Variants in SLCO5A1 observed in about 807,000 individuals in gnomAD.
SLCO5A1 encodes the protein organic anion transporter polypeptide-related protein 4.
Under a neutral mutation model 65.1 loss-of-function variants are expected in SLCO5A1, and 39 were observed. The observed-to-expected ratio is 0.60, with a 90% CI of 0.46 to 0.78. The LOEUF (loss-of-function observed/expected upper bound fraction) is 0.78, where lower values mean the gene tolerates loss of function less well. Ranked by LOEUF, SLCO5A1 falls within the 30% of genes least tolerant of loss-of-function variation. The pLI, the probability that SLCO5A1 is intolerant of heterozygous loss-of-function variation, is 0.00. For synonymous variants in SLCO5A1, 438 were observed against 415.7 expected (o/e 1.05, Z -0.65); for missense variants, 1,029 against 1,069.4 (o/e 0.96, Z 0.53).
rs1305972675 is a variant in SLCO5A1 at position 69,671,205 on chromosome 8, T to A, written c.*1664A>T. On this transcript the variant is annotated 3_prime_UTR_variant, in exon 10 of 10. Transcript: ENST00000260126. ...AACCAAGAGAACTGTTTGACCAATG[T>A]CATTCCTAGGAAGAGAGGGAAACAG... The A allele has an allele frequency of 6.6e-6, 1 of 152,192 alleles. No individual in the cohort carries two copies. Among genetic ancestry groups the A allele is most frequent in the African/African-American group, 2.4e-5 (1 of 41,426 alleles). The allele number at this position is 152,192 out of a possible 1,614,324, so 9.4% of individuals were successfully genotyped here.
intron 5 of SLCO5A1, among the ~76,000 whole-genome samples, chr8:69,715,665 G>T (rs993031552): frequency 6.6e-6 from 1 of 152,150 alleles, no homozygotes; most frequent in Admixed American, 6.5e-5. Flanking sequence ...ACCTATTAGA[G>T]TGCCCTTGCC....
chr8:69,689,023 T>G (rs1427029826), intron 6 of SLCO5A1, among the ~76,000 whole-genome samples: 98 of 141,514 alleles, frequency 6.9e-4, no homozygotes, highest in South Asian at 2.9e-3. Flanking sequence ...TTTTAATGAT[T>G]GCCATTCTAA....
rs189515609 is a variant in SLCO5A1 at position 69,731,390 on chromosome 8, A to G, written c.1423+6650T>C. On this transcript the variant is annotated intron_variant, in intron 5 of 9. Transcript: ENST00000260126. ...TCATCTTTACTTTAATGCTGATGCC[A>G]TGTAGTATCCTTTCCTGCAAGAAAT... Among the ~76,000 whole-genome samples, 74 of 152,338 alleles carry G rather than the reference A, an allele frequency of 4.9e-4. No homozygotes were observed. The East Asian group carries it at 0.014, about 29-fold the overall frequency.
At chr8:69,751,656 C>T (rs532577661) in intron 4 of SLCO5A1, among the ~76,000 whole-genome samples, 1 of 152,088 alleles carries the variant, frequency 6.6e-6, no homozygotes, top group Non-Finnish European at 1.5e-5. Context: ...AAGCGATTCT[C>T]CTGTCTCAGC....
intron 5 of SLCO5A1, among the ~76,000 whole-genome samples, chr8:69,736,932 G>A (rs914567954): frequency 1.3e-5 from 2 of 152,158 alleles, no homozygotes; most frequent in Non-Finnish European, 2.9e-5. Context: ...CAAGTAGAAG[G>A]TTTAGATTTT....
chr8:69,805,368 T>C (rs1453177783), intron 2 of SLCO5A1, among the ~76,000 whole-genome samples: 4 of 152,152 alleles, frequency 2.6e-5, no homozygotes, highest in Non-Finnish European at 5.9e-5. Flanking sequence ...AGGAAGCAGC[T>C]TCGGTTCCTT....
chr8:69,686,244 G>T (rs1336294864), intron 6 of SLCO5A1, among the ~76,000 whole-genome samples: 1 of 85,336 alleles, frequency 1.2e-5, no homozygotes, highest in Non-Finnish European at 2.2e-5. Context: ...AAAAAAGAGA[G>T]AGAAGACCTC....
Position 69,682,178 on chromosome 8 carries a change from A to G in SLCO5A1, c.1782+6T>C, listed in dbSNP as rs778017971. 3.1e-6 allele frequency: 5 copies of G among 1,603,496 alleles called. No individual in the cohort carries two copies. The highest frequency in any genetic ancestry group is 4.3e-6 in the Non-Finnish European group (5 of 1,175,996). On this transcript the variant is annotated splice_donor_region_variant and intron_variant, in intron 7 of 9. Transcript: ENST00000260126. ...AACAGAAGAGGAACTTGTGAAATAT[A>G]CTCACCCCAGTGCTAAGATTACCAC...
In SLCO5A1 at chr8:69,670,904, T is replaced by C. The variant is rs1813310912; in HGVS notation, c.*1965A>G. ...CCTTTAAAGGATCAGAGCTCTCCCA[T>C]AGAGGGTAAAGGGGAACCCTGAGGC... On this transcript the variant is annotated 3_prime_UTR_variant, in exon 10 of 10. Coordinates refer to ENST00000260126, the MANE Select transcript of SLCO5A1 (RefSeq NM_030958.3). 1 of 152,306 alleles carries C rather than the reference T, an allele frequency of 6.6e-6. No individual in the cohort carries two copies. Among genetic ancestry groups the C allele is most frequent in the East Asian group, 1.9e-4 (1 of 5,188 alleles). 9.4% of individuals were successfully genotyped at this position (152,306 alleles called of 1,614,324 possible). A position where few individuals can be genotyped will look rare whatever the true frequency, so the allele number is the denominator to read the frequency against.
At chr8:69,687,720 G>A (rs1394067723) in intron 6 of SLCO5A1, among the ~76,000 whole-genome samples, 4 of 151,878 alleles carry the variant, frequency 2.6e-5, no homozygotes, top group African/African-American at 9.7e-5. Flanking sequence ...CTCAATGTAC[G>A]TATAGATTAA....
chr8:69,700,181 C>A (rs1814667008), intron 6 of SLCO5A1: 1 of 152,134 alleles, frequency 6.6e-6, no homozygotes, highest in Non-Finnish European at 1.5e-5. Flanking sequence ...AAAAGTAGAA[C>A]AGAAAAGGAC....
rs184027866 is a variant in SLCO5A1 at position 69,721,240 on chromosome 8, G to T, written c.1424-16011C>A. Among the ~76,000 whole-genome samples the T allele has an allele frequency of 1.5e-4, 23 of 152,342 alleles. 1 individual carries two copies. The highest frequency in any genetic ancestry group is 1.3e-3 in the Admixed American group (20 of 15,300). On this transcript the variant is annotated intron_variant, in intron 5 of 9. Transcript: ENST00000260126. ...TGATGGAGAAGAAATTGGAAGCACT[G>T]TGGGTGATTACAGTCCCTATACCAG...
intron 2 of SLCO5A1, among the ~76,000 whole-genome samples, chr8:69,814,162 G>T (rs1563370587): frequency 6.6e-6 from 1 of 152,030 alleles, no homozygotes; most frequent in East Asian, 1.9e-4. Context: ...CCCCAAAAGT[G>T]CAGGCAACAA....
chr8:69,782,975 T>A lies in SLCO5A1; in HGVS notation c.908-21100A>T, dbSNP rs1185842383. Among the ~76,000 whole-genome samples the A allele has an allele frequency of 2.6e-5, 4 of 152,206 alleles. No homozygotes were observed. In the East Asian group the frequency reaches 7.7e-4, roughly 29 times the overall value. ...GCTCTGTGATCCTAGACAAGTTACT[T>A]AATCCCACTAGATGTGCTTCCTCAT... On this transcript the variant is annotated intron_variant, in intron 2 of 9. Transcript: ENST00000260126.
chr8:69,829,447 A>G (rs577383351), intron 2 of SLCO5A1, among the ~76,000 whole-genome samples: 133 of 152,370 alleles, frequency 8.7e-4, no homozygotes, highest in Non-Finnish European at 1.5e-3. Context: ...AATGCAATGC[A>G]TGAATGAATC....
intron 4 of SLCO5A1, among the ~76,000 whole-genome samples, chr8:69,746,809 A>G (rs113953311): frequency 0.027 from 4,160 of 152,314 alleles, 175 homozygotes; most frequent in African/African-American, 0.091. Flanking sequence ...AAAGCTTGCC[A>G]GCCAGCGAGA....
chr8:69,672,956 G>T lies in SLCO5A1; in HGVS notation c.2460C>A (p.Thr820=). The part of the protein sequence containing the change: ...LQKGIQCAAQ[T]YPGPFPEAIS... ...TTGCTTCTGGGAAGGGCCCCGGGTA[G>T]GTCTGTGCTGCGCACTGGATCCCTT... The change falls in exon 10 of 10, where the codon ACC becomes ACA. Residue 820 remains threonine (T), a synonymous_variant. Transcript: ENST00000260126. 2.5e-6 allele frequency: 4 copies of T among 1,614,218 alleles called. No homozygotes were observed. The highest frequency in any genetic ancestry group is 3.4e-6 in the Non-Finnish European group (4 of 1,180,042).
chr8:69,719,300 C>T (rs111567389), intron 5 of SLCO5A1, among the ~76,000 whole-genome samples: 1 of 152,082 alleles, frequency 6.6e-6, no homozygotes, highest in African/African-American at 2.4e-5. Context: ...ACAATTCCAC[C>T]AGATAATGAA....
intron 2 of SLCO5A1, among the ~76,000 whole-genome samples, chr8:69,771,077 C>T (rs1409582507): frequency 1.3e-5 from 2 of 152,066 alleles, no homozygotes; most frequent in Non-Finnish European, 2.9e-5. Flanking sequence ...CTCCGCCTCC[C>T]GGGTTCAAGC....
Sources: allele counts gnomAD v4.1 joint callset (sites outside exome capture counted in the v4.1 genomes callset), GRCh38; gene constraint gnomAD v4.1.1; transcripts MANE v1.5; gene names NCBI Gene and HGNC (gene_info 2026-07-23, HGNC 2026-07-21).